Variants in TMEM114 observed in about 807,000 individuals in gnomAD.
TMEM114 encodes transmembrane protein 114, also known as claudin-26.
In TMEM114, 6 loss-of-function variants were observed where a neutral mutation model predicts 6.2. That is an observed-to-expected ratio of 0.97 (90% CI 0.53 to 1.91). TMEM114 has a LOEUF of 1.91. Among genes scored for constraint, TMEM114 ranks in the 40% most tolerant of loss-of-function variants. TMEM114 has a pLI of 0.01. For missense variants in TMEM114, 218 were observed against 158.3 expected, an observed-to-expected ratio of 1.38 and a Z score of -2.02; for synonymous variants, 104 against 73.0, an observed-to-expected ratio of 1.42 and a Z score of -2.16.
chr16:8,562,783 A>C (rs1390343605), intron 2 of TMEM114, among the ~76,000 whole-genome samples: 1 of 148,706 alleles, frequency 6.7e-6, no homozygotes, highest in Non-Finnish European at 1.5e-5. Context: ...TGAGTGAGTG[A>C]ATGAGTAAGT....
intron 2 of TMEM114, among the ~76,000 whole-genome samples, chr16:8,549,521 T>C (rs1181600921): frequency 7.0e-6 from 1 of 142,280 alleles, no homozygotes; most frequent in Non-Finnish European, 1.5e-5. Flanking sequence ...AAAAAAAGAA[T>C]GCATGATCTC....
intron 2 of TMEM114, among the ~76,000 whole-genome samples, chr16:8,581,021 G>C (rs886081550): frequency 6.6e-6 from 1 of 152,148 alleles, no homozygotes; most frequent in Non-Finnish European, 1.5e-5. Context: ...TCTGAAAATA[G>C]AGTATGTTTG....
chr16:8,570,374 G>A (rs1045573520), intron 3 of TMEM114, among the ~76,000 whole-genome samples: 1 of 152,000 alleles, frequency 6.6e-6, no homozygotes, highest in Non-Finnish European at 1.5e-5. Flanking sequence ...GGAGTGCAGC[G>A]GTGCGATCTC....
intron 2 of TMEM114, among the ~76,000 whole-genome samples, chr16:8,562,928 G>C (rs12919580): frequency 3.3e-5 from 3 of 90,778 alleles, no homozygotes; most frequent in Admixed American, 1.1e-4. Flanking sequence ...AAATGAGTGA[G>C]TGAGTGAATT....
chr16:8,533,165 A>G (rs1305545544), downstream of TMEM114, among the ~76,000 whole-genome samples: 1 of 152,208 alleles, frequency 6.6e-6, no homozygotes, highest in African/African-American at 2.4e-5. Flanking sequence ...AAAAGCAAAC[A>G]AGTTTGAATA....
intron 2 of TMEM114, among the ~76,000 whole-genome samples, chr16:8,561,677 A>G (rs1022361105): frequency 6.6e-6 from 1 of 152,240 alleles, no homozygotes. Context: ...GAGTGAATAA[A>G]TGAATGAGTG....
intron 2 of TMEM114, among the ~76,000 whole-genome samples, chr16:8,577,747 C>T (rs933422298): frequency 2.5e-4 from 37 of 149,552 alleles, no homozygotes; most frequent in African/African-American, 8.1e-4. Context: ...TCCCTCCTGG[C>T]GAATTTTTGT....
chr16:8,569,360 C>G (rs1423776628), downstream of TMEM114: 3 of 712,758 alleles, frequency 4.2e-6, no homozygotes, highest in African/African-American at 1.9e-5. Context: ...CCAGAGAGAG[C>G]TGAACGCATT....
At chr16:8,585,736 C>G (rs1902296565) in intron 2 of TMEM114, among the ~76,000 whole-genome samples, 1 of 152,110 alleles carries the variant, frequency 6.6e-6, no homozygotes, top group Non-Finnish European at 1.5e-5. Flanking sequence ...TAGCAGCTAC[C>G]ACTTACAGCA....
At chr16:8,549,181 C>CA (rs1216258524) in intron 2 of TMEM114, among the ~76,000 whole-genome samples, 17,147 of 48,912 alleles carry the variant, frequency 0.35, 3,166 homozygotes, top group African/African-American at 0.46. Context: ...GACTCCATCT[C>CA]AAAAAAAAAA....
At chr16:8,543,426 A>T (rs1357669766) in intron 2 of TMEM114, among the ~76,000 whole-genome samples, 1 of 151,628 alleles carries the variant, frequency 6.6e-6, no homozygotes, top group Non-Finnish European at 1.5e-5. Flanking sequence ...CAAGTGCCCC[A>T]GTGTGACTGA....
intron 2 of TMEM114, among the ~76,000 whole-genome samples, chr16:8,550,747 C>A (rs1183747675): frequency 6.6e-6 from 1 of 151,604 alleles, no homozygotes; most frequent in Non-Finnish European, 1.5e-5. Flanking sequence ...CCTCCTAACA[C>A]TCCAGCTCTT....
chr16:8,567,063 G>T (rs1901570265), downstream of TMEM114, among the ~76,000 whole-genome samples: 1 of 55,474 alleles, frequency 1.8e-5, no homozygotes, highest in Admixed American at 2.0e-4. Context: ...ACCACAGCTG[G>T]CTATTTTTTT....
chr16:8,559,583 T>G (rs893492652), intron 2 of TMEM114, among the ~76,000 whole-genome samples: 1 of 152,164 alleles, frequency 6.6e-6, no homozygotes, highest in African/African-American at 2.4e-5. Flanking sequence ...TTTCAATGCA[T>G]GAATATTTTA....
At chr16:8,563,684 A>G (rs963081843) in intron 2 of TMEM114, among the ~76,000 whole-genome samples, 3 of 150,698 alleles carry the variant, frequency 2.0e-5, no homozygotes, top group Non-Finnish European at 4.4e-5. Context: ...TGAATGAGTA[A>G]GTGAATGAGT....
chr16:8,546,485 G>C (rs1276263381), intron 2 of TMEM114, among the ~76,000 whole-genome samples: 1 of 152,164 alleles, frequency 6.6e-6, no homozygotes, highest in Non-Finnish European at 1.5e-5. Context: ...TTATCTACAG[G>C]AACCAGCCCA....
chr16:8,568,036 G>A (rs964602328), downstream of TMEM114, among the ~76,000 whole-genome samples: 1 of 152,190 alleles, frequency 6.6e-6, no homozygotes, highest in African/African-American at 2.4e-5. Context: ...AGGCGTTGGT[G>A]GAAGTAGGGG....
chr16:8,548,273 C>T (rs1900734889), intron 2 of TMEM114, among the ~76,000 whole-genome samples: 1 of 152,148 alleles, frequency 6.6e-6, no homozygotes, highest in Admixed American at 6.6e-5. Flanking sequence ...CTCAGGGTTG[C>T]TGTGAAATGA....
At chr16:8,562,526 T>TAATGAGTGACTG (rs1555463500) in intron 2 of TMEM114, among the ~76,000 whole-genome samples, 1 of 127,142 alleles carries the variant, frequency 7.9e-6, no homozygotes, top group East Asian at 2.4e-4. Context: ...ATGAGTGAGT[T>TAATGAGTGACTG]AATGAGTGAG....
Sources: allele counts gnomAD v4.1 joint callset (sites outside exome capture counted in the v4.1 genomes callset), GRCh38; gene constraint gnomAD v4.1.1; transcripts MANE v1.5; gene names NCBI Gene and HGNC (gene_info 2026-07-23, HGNC 2026-07-21).